TRPV4: variants seen among roughly 807,000 people sequenced by gnomAD.
TRPV4 encodes the protein transient receptor potential cation channel subfamily V member 4, also known as OSM9-like transient receptor potential channel 4.
In TRPV4, 58 loss-of-function variants were observed where a neutral mutation model predicts 84.1. The observed-to-expected ratio is 0.69, with a 90% CI of 0.56 to 0.86. The LOEUF is 0.86. TRPV4 is among the 40% of genes least tolerant of loss of function. The pLI is 0.00. For synonymous variants in TRPV4, 489 were observed against 500.9 expected (o/e 0.98, Z 0.32); for missense variants, 879 against 1,181.1 (o/e 0.74, Z 3.75).
At chr12:109,787,252 A>G (rs975914815) in intron 13 of TRPV4, among the ~76,000 whole-genome samples, 1 of 152,228 alleles carries the variant, frequency 6.6e-6, no homozygotes, top group African/African-American at 2.4e-5. Context: ...CTGGGTTTTC[A>G]TAGGGAATCT....
In TRPV4 at chr12:109,793,845, G is replaced by A; in HGVS notation, c.1584+85C>T. The stretch of plus-strand genomic sequence containing the variant: ...GGAGAAGGACCATTTGGAGGAGAGA[G>A]AAGAGAAAAAGAGGGAGAGAAAAGA... On this transcript the variant is annotated intron_variant, in intron 9 of 15. Coordinates refer to ENST00000261740, the MANE Select transcript of TRPV4 (RefSeq NM_021625.5). The surrounding 1 kb of genome is among the most constrained non-coding windows in gnomAD (Gnocchi z 4.0). 9.4e-7 allele frequency: 1 copy of A among 1,066,040 alleles called. No homozygotes were observed. 66.0% of individuals were successfully genotyped at this position (1,066,040 alleles called of 1,614,324 possible).
In TRPV4 at chr12:109,794,006, C is replaced by T. The variant is rs765199576; in HGVS notation, c.1508G>A (p.Arg503His). 1.1e-5 allele frequency: 17 copies of T among 1,608,406 alleles called. No homozygotes were observed. Among genetic ancestry groups the T allele is most frequent in the South Asian group, 2.2e-5 (2 of 89,174 alleles). Residue 503 changes from arginine to histidine, a missense_variant, in exon 9 of 16, where the codon CGC becomes CAC. Arg to His is a conservative substitution (Grantham distance 29, BLOSUM62 0). Around this residue, in one of 4 missense-constraint regions of TRPV4, gnomAD observed 521 missense variants for 686.6 expected, o/e 0.76. Transcript: ENST00000261740. ...PLEGTPPYPY[R>H]TTVDYLRLAG... The stretch of plus-strand genomic sequence containing the variant: ...CAGCCGCAGGTAGTCCACCGTGGTG[C>T]GGTAAGGGTACGGCGGCTGGGGAGC...
At position 109,814,661 on chromosome 12, in the gene TRPV4, A is replaced by T; in HGVS notation, c.136T>A (p.Ser46Thr). The change falls in exon 2 of 16, where the codon TCC becomes ACC. Residue 46 changes from serine to threonine, a missense_variant. Physicochemically the swap from Ser to Thr is moderately conservative, Grantham distance 58. Coordinates refer to ENST00000261740, the MANE Select transcript of TRPV4 (RefSeq NM_021625.5). The surrounding 1 kb of genome is among the most constrained non-coding windows in gnomAD (Gnocchi z 5.4). ...GCATCAGCCGGTGAGGGCGAAAGGG[A>T]GCCATCCTCCCCCTCAAACAGATTG... Reference protein sequence around the residue: ...LANLFEGEDGSLSPSPADASR... With the variant: ...LANLFEGEDGTLSPSPADASR... The T allele has an allele frequency of 6.2e-7, 1 of 1,613,320 alleles. No individual in the cohort carries two copies. Among genetic ancestry groups the T allele is most frequent in the Non-Finnish European group, 8.5e-7 (1 of 1,179,804 alleles).
chr12:109,830,974 G>A (rs1195693717), intron 1 of TRPV4, among the ~76,000 whole-genome samples: 2 of 152,126 alleles, frequency 1.3e-5, no homozygotes, highest in Non-Finnish European at 1.5e-5. Context: ...CCCCAGCCTT[G>A]GGGCCAGCCT....
chr12:109,786,625 G>C lies in TRPV4; in HGVS notation c.2336+85C>G. 3.8e-6 allele frequency: 6 copies of C among 1,562,836 alleles called. No homozygotes were observed. The South Asian group carries it at 4.6e-5, about 12-fold the overall frequency. On this transcript the variant is annotated intron_variant, in intron 14 of 15. Coordinates refer to ENST00000261740, the MANE Select transcript of TRPV4 (RefSeq NM_021625.5). The surrounding 1 kb of genome is among the most constrained non-coding windows in gnomAD (Gnocchi z 4.5). Reference sequence around the variant, plus strand: ...CTCAGTGGCTCCAGAAATTGCAATGGGTAGACGACGCTGGAGCAGCAGGGG... The same window carrying C: ...CTCAGTGGCTCCAGAAATTGCAATGCGTAGACGACGCTGGAGCAGCAGGGG...
rs1164716511 is a variant in TRPV4 at position 109,809,651 on chromosome 12, A to AT, written c.387-1184_387-1183insA. 1.2e-4 allele frequency among the ~76,000 whole-genome samples: 17 copies of AT among 144,792 alleles called. No homozygotes were observed. The East Asian group carries it at 2.1e-3, about 18-fold the overall frequency. 95.0% of individuals were successfully genotyped at this position (144,792 alleles called of 152,430 possible). A position where few individuals can be genotyped will look rare whatever the true frequency, so the allele number is the denominator to read the frequency against. On this transcript the variant is annotated intron_variant, in intron 2 of 15. Transcript: ENST00000261740. ...CATCCATCTGCCTATCCACCCACCC[A>AT]CCCATCCATCCATCCATCCATCCAT...
intron 1 of TRPV4, among the ~76,000 whole-genome samples, chr12:109,819,076 C>T (rs557241240): frequency 6.6e-6 from 1 of 152,102 alleles, no homozygotes; most frequent in South Asian, 2.1e-4. Context: ...TACACATAGG[C>T]ATGTGTACAC....
At position 109,814,422 on chromosome 12, in the gene TRPV4, C is replaced by T. The variant is rs777366805; in HGVS notation, c.375G>A (p.Lys125=). ...HHSSDNKRWR[K]KIIEKQPQSP... is the part of the protein sequence containing the mutation. ...CTAACAATACTCACTCTATGATCTT[C>T]TTCCTCCACCTCTTGTTGTCACTGG... Residue 125 remains lysine (K), a synonymous_variant, in exon 2 of 16, where the codon AAG becomes AAA. Transcript: ENST00000261740. This position sits in a 1 kb window ranked among gnomAD's most constrained non-coding sequence, Gnocchi z 5.4. The T allele has an allele frequency of 5.6e-6, 9 of 1,613,970 alleles. No homozygotes were observed. The African/African-American group carries it at 8.0e-5, about 14-fold the overall frequency.
chr12:109,821,170 C>T (rs188784094), intron 1 of TRPV4, among the ~76,000 whole-genome samples: 5 of 152,258 alleles, frequency 3.3e-5, no homozygotes, highest in East Asian at 1.9e-4. Flanking sequence ...TCCGCCCCAG[C>T]GGGGAGGAAT....
In TRPV4 at chr12:109,792,553, C is replaced by T. The variant is rs56242805; in HGVS notation, c.1824+99G>A. On this transcript the variant is annotated intron_variant, in intron 11 of 15. Transcript: ENST00000261740. ...GACCATGCCTCCTGCCCCCACGGTACCCAGCATCCTCAGGTCTGCAGGTGC... is the reference window on the plus strand; with the variant it reads ...GACCATGCCTCCTGCCCCCACGGTATCCAGCATCCTCAGGTCTGCAGGTGC... The T allele has an allele frequency of 4.8e-5, 76 of 1,580,130 alleles. No homozygotes were observed. In the East Asian group the frequency reaches 1.6e-3, roughly 33 times the overall value.
At chr12:109,803,925 C>T (rs1890963003) in intron 3 of TRPV4, among the ~76,000 whole-genome samples, 1 of 151,836 alleles carries the variant, frequency 6.6e-6, no homozygotes, top group Non-Finnish European at 1.5e-5. Flanking sequence ...CATTCACCCA[C>T]CTGTCAGAGC....
Position 109,808,351 on chromosome 12 carries a change from C to T in TRPV4, c.504G>A (p.Gly168=). The change falls in exon 3 of 16, where the codon GGG becomes GGA. Residue 168 remains glycine (G), a synonymous_variant. Coordinates refer to ENST00000261740, the MANE Select transcript of TRPV4 (RefSeq NM_021625.5). ...TGTGGGTCAGCAAGAATGGGAGCAG[C>T]CCGTCCAGGTCAGCAGTGGAGCCCC... ...VSRGSTADLD[G]LLPFLLTHKK... The T allele has an allele frequency of 6.2e-7, 1 of 1,614,208 alleles. No homozygotes were observed. The highest frequency in any genetic ancestry group is 8.5e-7 in the Non-Finnish European group (1 of 1,180,030).
chr12:109,825,560 C>T (rs1044129294), intron 1 of TRPV4, among the ~76,000 whole-genome samples: 6 of 152,124 alleles, frequency 3.9e-5, no homozygotes, highest in Non-Finnish European at 5.9e-5. Context: ...CCAGACTTCC[C>T]GGCTCCAAAA....
At position 109,793,848 on chromosome 12, in the gene TRPV4, G is replaced by T; in HGVS notation, c.1584+82C>A. On this transcript the variant is annotated intron_variant, in intron 9 of 15. Transcript: ENST00000261740. This position sits in a 1 kb window ranked among gnomAD's most constrained non-coding sequence, Gnocchi z 4.0. The stretch of plus-strand genomic sequence containing the variant: ...GAAGGACCATTTGGAGGAGAGAGAA[G>T]AGAAAAAGAGGGAGAGAAAAGAGGT... 1 of 1,085,878 alleles carries T rather than the reference G, an allele frequency of 9.2e-7. No homozygotes were observed. The allele number at this position is 1,085,878 out of a possible 1,614,324, so 67.3% of individuals were successfully genotyped here.
At chr12:109,809,698 C>T (rs981287482) in intron 2 of TRPV4, among the ~76,000 whole-genome samples, 2 of 152,140 alleles carry the variant, frequency 1.3e-5, no homozygotes, top group African/African-American at 4.8e-5. Flanking sequence ...ACTGCCCATC[C>T]ACTCACCCAC....
intron 1 of TRPV4, among the ~76,000 whole-genome samples, chr12:109,818,385 G>A (rs1392423146): frequency 6.6e-6 from 1 of 151,538 alleles, no homozygotes; most frequent in Non-Finnish European, 1.5e-5. Context: ...CTGAGGTTGA[G>A]AAAATCTGCC....
At chr12:109,791,156 G>T (rs907630130) in intron 12 of TRPV4, among the ~76,000 whole-genome samples, 1 of 152,212 alleles carries the variant, frequency 6.6e-6, no homozygotes, top group African/African-American at 2.4e-5. Context: ...GCCAAGGTGG[G>T]TGGATCACTT....
intron 6 of TRPV4, among the ~76,000 whole-genome samples, chr12:109,797,584 G>C (rs1025172050): frequency 6.6e-6 from 1 of 152,214 alleles, no homozygotes; most frequent in African/African-American, 2.4e-5. Context: ...CTCCCAAAGT[G>C]CTAGGATTAC....
chr12:109,795,067 G>C (rs1890309563), intron 7 of TRPV4, among the ~76,000 whole-genome samples: 1 of 152,200 alleles, frequency 6.6e-6, no homozygotes, highest in African/African-American at 2.4e-5. Flanking sequence ...ACTCCAATCT[G>C]TGGATAGTAC....
Sources: gnomAD v4.1 joint callset for allele counts (sites outside exome capture counted in the v4.1 genomes callset) on GRCh38, gnomAD v4.1.1 for gene constraint, gnomAD v4.1.1 regional missense constraint, Gnocchi (gnomAD v3.1) non-coding constraint, MANE v1.5 for transcripts, NCBI Gene and HGNC (gene_info 2026-07-23, HGNC 2026-07-21) for gene names.